NOTCH2: variants seen among roughly 807,000 people sequenced by gnomAD.
The protein encoded by NOTCH2 is neurogenic locus notch homolog protein 2.
NOTCH2 carries 29 observed loss-of-function variants against 235.8 expected under a neutral mutation model. That is an observed-to-expected ratio of 0.12 (90% confidence interval 0.09 to 0.17). The LOEUF (loss-of-function observed/expected upper bound fraction) is 0.17, where lower values mean the gene tolerates loss of function less well. Among genes scored for constraint, NOTCH2 ranks in the 10% least tolerant of loss-of-function variants. The pLI, the probability that NOTCH2 is intolerant of heterozygous loss-of-function variation, is 1.00. For missense variants in NOTCH2, 2,285 were observed against 3,150.2 expected (o/e 0.73, Z 6.57); for synonymous variants, 1,086 against 1,141.5 (o/e 0.95, Z 0.98).
chr1:119,944,688 TCTC>T (rs1553196857), intron 17 of NOTCH2, among the ~76,000 whole-genome samples: 1 of 152,094 alleles, frequency 6.6e-6, no homozygotes, highest in African/African-American at 2.4e-5. Flanking sequence ...ACAGCAGATT[TCTC>T]CTCAGAAATA....
chr1:120,037,961 AT>A (rs1654379699), intron 1 of NOTCH2, among the ~76,000 whole-genome samples: 1 of 152,150 alleles, frequency 6.6e-6, no homozygotes, highest in African/African-American at 2.4e-5. Context: ...CTATAAAAAA[AT>A]CATTCCAGTT....
intron 12 of NOTCH2, among the ~76,000 whole-genome samples, chr1:119,959,072 G>T (rs985825225): frequency 6.6e-6 from 1 of 152,112 alleles, no homozygotes; most frequent in South Asian, 2.1e-4. Flanking sequence ...GGAAGGCCTT[G>T]ACTACTACCT....
chr1:119,920,019 C>T (rs975708340), intron 30 of NOTCH2, among the ~76,000 whole-genome samples: 1 of 152,236 alleles, frequency 6.6e-6, no homozygotes, highest in Non-Finnish European at 1.5e-5. Flanking sequence ...AGTCTCAACA[C>T]ACTGTACATG....
At chr1:119,957,372 T>C (rs1215654219) in intron 12 of NOTCH2, among the ~76,000 whole-genome samples, 1 of 152,228 alleles carries the variant, frequency 6.6e-6, no homozygotes, top group Non-Finnish European at 1.5e-5. Context: ...AAGCAGTTTA[T>C]AGAAGTATCA....
chr1:119,944,573 G>T (rs957681273), intron 17 of NOTCH2, among the ~76,000 whole-genome samples: 2 of 150,220 alleles, frequency 1.3e-5, no homozygotes, highest in East Asian at 3.9e-4. Flanking sequence ...ACACCAACAG[G>T]CATTATAATC....
In NOTCH2 at chr1:119,937,873, T is replaced by C; in HGVS notation, c.3321A>G (p.Ile1107Met). Residue 1107 changes from isoleucine to methionine, a missense_variant, in exon 20 of 34, where the codon ATA becomes ATG. Transcript: ENST00000256646. ...YCDVPNVSCD[I>M]AASRRGVLVE... The stretch of plus-strand genomic sequence containing the variant: ...AAAGCTTACCTCTCCTGGAGGCTGC[T>C]ATGTCACAAGAGACATTGGGCACGT... 1 of 1,614,188 alleles carries C rather than the reference T, an allele frequency of 6.2e-7. No homozygotes were observed. The highest frequency in any genetic ancestry group is 1.1e-5 in the South Asian group (1 of 91,078).
intron 32 of NOTCH2, 41 bp from the exon 33 acceptor site, chr1:119,917,803 T>A (rs1417653653): frequency 8.5e-7 from 1 of 1,173,032 alleles, no homozygotes; most frequent in East Asian, 2.3e-5. Flanking sequence ...CATATCCTAC[T>A]CTTAGTATAA....
At chr1:119,926,470 CCTT>C (rs2101164728) in intron 24 of NOTCH2, 26 bp downstream of exon 24, 1 of 1,459,030 alleles carries the variant, frequency 6.9e-7, no homozygotes, top group East Asian at 2.3e-5. Context: ...AGACAATGCC[CCTT>C]CTTAGATGAG....
chr1:119,942,483 CTTTAT>C (rs1364541983), intron 17 of NOTCH2, among the ~76,000 whole-genome samples: 1 of 152,174 alleles, frequency 6.6e-6, no homozygotes, highest in African/African-American at 2.4e-5. Context: ...GTAATGTGAC[CTTTAT>C]TTTATTAGCG....
chr1:119,935,693 G>C lies in NOTCH2; in HGVS notation c.3523-89C>G, dbSNP rs1326655380. 2.9e-6 allele frequency: 4 copies of C among 1,402,448 alleles called. No individual in the cohort carries two copies. In the African/African-American group the frequency reaches 5.6e-5, roughly 20 times the overall value. 86.9% of individuals were successfully genotyped at this position (1,402,448 alleles called of 1,614,324 possible). On this transcript the variant is annotated intron_variant, in intron 21 of 33. Coordinates refer to ENST00000256646, the MANE Select transcript of NOTCH2 (RefSeq NM_024408.4). ...CTAGTGAGATCTGGAACATTTCTGT[G>C]ACTGTCTCCCACCTCCTAATTTAGC...
At chr1:119,928,278 G>T (rs955470037) in intron 23 of NOTCH2, among the ~76,000 whole-genome samples, 6 of 152,148 alleles carry the variant, frequency 3.9e-5, no homozygotes, top group African/African-American at 1.4e-4. Flanking sequence ...AGCCTTTACT[G>T]GGCAAGGCAT....
chr1:119,950,648 G>T lies in NOTCH2; in HGVS notation c.2479+76C>A, dbSNP rs782507006. ...AGGAGCATTACAGCCCCACAGACCTGGGCACTGAGACTCAGGCACTGACAA... is the reference window on the plus strand; with the variant it reads ...AGGAGCATTACAGCCCCACAGACCTTGGCACTGAGACTCAGGCACTGACAA... On this transcript the variant is annotated intron_variant, in intron 15 of 33. Coordinates refer to ENST00000256646, the MANE Select transcript of NOTCH2 (RefSeq NM_024408.4). The T allele has an allele frequency of 8.9e-6, 8 of 895,550 alleles. No homozygotes were observed. In the African/African-American group the frequency reaches 1.3e-4, roughly 15 times the overall value. 55.5% of individuals were successfully genotyped at this position (895,550 alleles called of 1,614,324 possible).
At chr1:119,965,192 A>G (rs1651089007) in intron 10 of NOTCH2, among the ~76,000 whole-genome samples, 2 of 152,240 alleles carry the variant, frequency 1.3e-5, no homozygotes. Context: ...CCAGCTGGAA[A>G]CTTACTGCTG....
At chr1:119,926,390 G>A (rs587644410) in intron 24 of NOTCH2, 109 bp downstream of exon 24, 2 of 892,782 alleles carry the variant, frequency 2.2e-6, no homozygotes, top group Admixed American at 2.0e-5. Context: ...CTAAAATTGA[G>A]AAATCTTCCC....
chr1:119,982,076 C>T (rs963725536), intron 5 of NOTCH2, among the ~76,000 whole-genome samples: 4 of 152,122 alleles, frequency 2.6e-5, no homozygotes, highest in Non-Finnish European at 5.9e-5. Flanking sequence ...ATCTCCATTC[C>T]CAGACACAAG....
At chr1:119,964,727 CTTCT>C (rs1419691930) in intron 10 of NOTCH2, among the ~76,000 whole-genome samples, 1 of 152,152 alleles carries the variant, frequency 6.6e-6, no homozygotes, top group African/African-American at 2.4e-5. Flanking sequence ...ACATAAATAA[CTTCT>C]TTCTCAAGCA....
At chr1:120,045,933 A>G (rs1654769208) in intron 1 of NOTCH2, among the ~76,000 whole-genome samples, 1 of 152,294 alleles carries the variant, frequency 6.6e-6, no homozygotes, top group African/African-American at 2.4e-5. Flanking sequence ...ATTTTAAAAC[A>G]TCTCCATATT....
intron 23 of NOTCH2, among the ~76,000 whole-genome samples, chr1:119,926,966 A>C (rs765147546): frequency 6.6e-5 from 10 of 152,204 alleles, no homozygotes; most frequent in Non-Finnish European, 1.5e-4. Flanking sequence ...CAGTTGAAAA[A>C]CTATTCACTG....
intron 1 of NOTCH2, among the ~76,000 whole-genome samples, chr1:120,043,110 G>A (rs1654646421): frequency 6.6e-6 from 1 of 151,780 alleles, no homozygotes; most frequent in African/African-American, 2.4e-5. Flanking sequence ...GCATCTGATA[G>A]TACTCCATAC....
Sources: allele counts gnomAD v4.1 joint callset (sites outside exome capture counted in the v4.1 genomes callset), GRCh38; gene constraint gnomAD v4.1.1; transcripts MANE v1.5; gene names NCBI Gene and HGNC (gene_info 2026-07-23, HGNC 2026-07-21).